The following PARD3B variants were observed in gnomAD, a reference collection of about 807,000 sequenced individuals.
PARD3B encodes the protein par-3 family cell polarity regulator beta.
In PARD3B, 103 loss-of-function variants were observed where a neutral mutation model predicts 130.2. The ratio of observed to expected loss-of-function variants is 0.79; its 90% CI spans 0.67 to 0.93. PARD3B has a LOEUF of 0.93. Among genes scored for constraint, PARD3B ranks in the 40% least tolerant of loss-of-function variants. The probability of loss-of-function intolerance (pLI) is 0.00; values close to 1 mark genes in which losing one functional copy is unlikely to be tolerated. For missense variants in PARD3B, 1,609 were observed against 1,499.2 expected, an observed-to-expected ratio of 1.07 and a Z score of -1.21; for synonymous variants, 583 against 553.2, an observed-to-expected ratio of 1.05 and a Z score of -0.76.
intron 5 of PARD3B, among the ~76,000 whole-genome samples, chr2:205,111,562 TAA>T (rs1173203078): frequency 6.6e-6 from 1 of 151,842 alleles, no homozygotes; most frequent in East Asian, 1.9e-4. Context: ...TGAGTGGGAG[TAA>T]AGAAATATTT....
At chr2:205,514,583 C>T (rs72931770) in intron 21 of PARD3B, among the ~76,000 whole-genome samples, 62,693 of 146,048 alleles carry the variant, frequency 0.43, 13,426 homozygotes, top group Admixed American at 0.55. Context: ...CATATCAATA[C>T]AGATAGATAC....
chr2:205,370,338 A>T (rs1056998632), intron 18 of PARD3B, among the ~76,000 whole-genome samples: 2 of 152,206 alleles, frequency 1.3e-5, no homozygotes, highest in African/African-American at 2.4e-5. Context: ...AAGCATATTT[A>T]AGTATTAACA....
chr2:205,017,034 G>T (rs999061423), intron 3 of PARD3B, among the ~76,000 whole-genome samples: 1 of 152,128 alleles, frequency 6.6e-6, no homozygotes, highest in African/African-American at 2.4e-5. Flanking sequence ...TTTGAGAAAG[G>T]TCTTTGAAAA....
At chr2:205,033,731 G>T (rs1239113859) in intron 3 of PARD3B, among the ~76,000 whole-genome samples, 1 of 152,110 alleles carries the variant, frequency 6.6e-6, no homozygotes, top group Non-Finnish European at 1.5e-5. Context: ...CTTTTCAGGT[G>T]AACTCAACTA....
intron 13 of PARD3B, among the ~76,000 whole-genome samples, chr2:205,184,878 G>A (rs1163020953): frequency 6.6e-6 from 1 of 152,100 alleles, no homozygotes; most frequent in East Asian, 1.9e-4. Flanking sequence ...GCTTGGAGAA[G>A]TTGAGTAATT....
chr2:205,292,183 G>T lies in PARD3B; in HGVS notation c.2186-8347G>T, dbSNP rs537774415. On this transcript the variant is annotated intron_variant, in intron 16 of 22. Transcript: ENST00000406610. This position sits in a 1 kb window ranked among gnomAD's most constrained non-coding sequence, Gnocchi z 5.3. ...CAAGGGCACAGGCAGCAACTTTGGT[G>T]GCATCCACACAATGCCATCTCTGCT... 6.6e-6 allele frequency among the ~76,000 whole-genome samples: 1 copy of T among 152,248 alleles called. No individual in the cohort carries two copies. The highest frequency in any genetic ancestry group is 6.5e-5 in the Admixed American group (1 of 15,292).
At chr2:205,376,850 G>A (rs915484751) in intron 18 of PARD3B, among the ~76,000 whole-genome samples, 1 of 152,174 alleles carries the variant, frequency 6.6e-6, no homozygotes, top group Non-Finnish European at 1.5e-5. Context: ...TGGGTGTCCT[G>A]AAGGAAAGAA....
intron 20 of PARD3B, among the ~76,000 whole-genome samples, chr2:205,471,520 C>T (rs1361869321): frequency 2.6e-5 from 4 of 151,994 alleles, no homozygotes; most frequent in Non-Finnish European, 4.4e-5. Flanking sequence ...CGCCACCACG[C>T]CTGGCTAATT....
rs191464240 is a variant in PARD3B at position 205,209,342 on chromosome 2, A to G, written c.2140+16022A>G. Among the ~76,000 whole-genome samples, 1,164 of 152,060 alleles carry G rather than the reference A, an allele frequency of 7.7e-3. 15 individuals carry two copies. Among genetic ancestry groups the G allele is most frequent in the Middle Eastern group, 0.014 (4 of 292 alleles). On this transcript the variant is annotated intron_variant, in intron 15 of 22. Coordinates refer to ENST00000406610, the MANE Select transcript of PARD3B (RefSeq NM_001302769.2). ...CTTCATGTCTAAAACACCAAAAGCA[A>G]TGGCAACAAAAGACAAAATTGACAA...
At chr2:205,346,557 G>T (rs1332605183) in intron 18 of PARD3B, among the ~76,000 whole-genome samples, 1 of 152,130 alleles carries the variant, frequency 6.6e-6, no homozygotes, top group Non-Finnish European at 1.5e-5. Context: ...GCTTCTATGG[G>T]ATTTAAGTTT....
chr2:204,556,922 T>C (rs183075345), intron 1 of PARD3B, among the ~76,000 whole-genome samples: 1 of 152,228 alleles, frequency 6.6e-6, no homozygotes, highest in East Asian at 1.9e-4. Context: ...CAAGATCTAG[T>C]AGCTAAAGGC....
intron 1 of PARD3B, among the ~76,000 whole-genome samples, chr2:204,567,207 T>C (rs907092819): frequency 6.6e-6 from 1 of 152,192 alleles, no homozygotes; most frequent in Non-Finnish European, 1.5e-5. Context: ...ATGTTGGATT[T>C]TTTTTTCGTT....
chr2:204,554,406 A>G (rs1342911690), intron 1 of PARD3B, among the ~76,000 whole-genome samples: 1 of 151,988 alleles, frequency 6.6e-6, no homozygotes, highest in Non-Finnish European at 1.5e-5. Flanking sequence ...TCCTCCTACA[A>G]TCTAAGCATG....
chr2:205,118,750 A>T (rs1469659919), intron 6 of PARD3B, among the ~76,000 whole-genome samples, 171 bp from the exon 7 acceptor site: 2 of 152,204 alleles, frequency 1.3e-5, no homozygotes, highest in Non-Finnish European at 2.9e-5. Flanking sequence ...TCTTGTAGTC[A>T]GTTTTGGCTT....
At chr2:205,310,083 C>CTTTTTT (rs34247571) in intron 18 of PARD3B, among the ~76,000 whole-genome samples, 1 of 124,356 alleles carries the variant, frequency 8.0e-6, no homozygotes, top group Non-Finnish European at 1.6e-5. Flanking sequence ...AAAATCTACT[C>CTTTTTT]TTTTTTTTTT....
intron 3 of PARD3B, among the ~76,000 whole-genome samples, chr2:205,026,135 A>G (rs1367302362): frequency 6.6e-6 from 1 of 152,196 alleles, no homozygotes; most frequent in African/African-American, 2.4e-5. Context: ...AATGCAATGA[A>G]GAAAATGAAA....
chr2:205,064,567 T>A (rs995154895), intron 4 of PARD3B, among the ~76,000 whole-genome samples: 12 of 152,228 alleles, frequency 7.9e-5, no homozygotes, highest in South Asian at 2.1e-4. Flanking sequence ...TCTGCAGACA[T>A]TTGATGTATG....
chr2:204,752,852 A>C (rs1006107077), intron 2 of PARD3B, among the ~76,000 whole-genome samples: 2 of 152,168 alleles, frequency 1.3e-5, no homozygotes, highest in African/African-American at 4.8e-5. Context: ...TTTTAGGCTT[A>C]ATTGGAAAAG....
rs150018261 is a variant in PARD3B at position 205,394,120 on chromosome 2, A to T, written c.2631-6893A>T. Among the ~76,000 whole-genome samples, 17 of 152,210 alleles carry T rather than the reference A, an allele frequency of 1.1e-4. 1 individual carries two copies. The East Asian group carries it at 3.3e-3, about 29-fold the overall frequency. On this transcript the variant is annotated intron_variant, in intron 18 of 22. Transcript: ENST00000406610. Reference sequence around the variant, plus strand: ...GATGTGTAGTGGCTGCTCAGTAAGGAATGAATGGATGAATGAATGAACAAA... The same window carrying T: ...GATGTGTAGTGGCTGCTCAGTAAGGTATGAATGGATGAATGAATGAACAAA...
Sources: allele counts gnomAD v4.1 joint callset (sites outside exome capture counted in the v4.1 genomes callset), GRCh38; gene constraint gnomAD v4.1.1; non-coding constraint Gnocchi (gnomAD v3.1); transcripts MANE v1.5; gene names NCBI Gene and HGNC (gene_info 2026-07-23, HGNC 2026-07-21).